CLTC: variants seen among roughly 807,000 people sequenced by gnomAD.
The protein encoded by CLTC is clathrin heavy chain.
A neutral mutation model predicts 195.8 loss-of-function variants in CLTC; 16 were observed. That is an observed-to-expected ratio of 0.08 (90% confidence interval 0.06 to 0.12). The LOEUF is 0.12. Among genes scored for constraint, CLTC ranks in the 10% least tolerant of loss-of-function variants. The pLI is 1.00. For synonymous variants in CLTC, 667 were observed against 689.4 expected (o/e 0.97, Z 0.51); for missense variants, 796 against 2,027.0 (o/e 0.39, Z 11.66).
At chr17:59,644,246 G>C in intron 1 of CLTC, 30 bp from the exon 2 acceptor site, 1 of 1,587,214 alleles carries the variant, frequency 6.3e-7, no homozygotes, top group Non-Finnish European at 8.6e-7. Flanking sequence ...GAATCCACTT[G>C]GTAACATGGT....
intron 1 of CLTC, among the ~76,000 whole-genome samples, chr17:59,629,624 G>A (rs2031652850): frequency 6.7e-6 from 1 of 150,368 alleles, no homozygotes; most frequent in African/African-American, 2.4e-5. Flanking sequence ...GGGTTCAAGC[G>A]GTTCTTCTGC....
At chr17:59,638,011 T>A (rs1268591504) in intron 1 of CLTC, among the ~76,000 whole-genome samples, 1 of 146,620 alleles carries the variant, frequency 6.8e-6, no homozygotes. Context: ...CATTTCATAG[T>A]GTCTGAGGCA....
chr17:59,680,596 T>C (rs910799901), intron 18 of CLTC, among the ~76,000 whole-genome samples: 2 of 152,132 alleles, frequency 1.3e-5, no homozygotes, highest in African/African-American at 4.8e-5. Flanking sequence ...ACCAGACGAA[T>C]TACCGATATT....
chr17:59,686,711 T>G (rs2033192697), intron 30 of CLTC, among the ~76,000 whole-genome samples: 1 of 152,352 alleles, frequency 6.6e-6, no homozygotes, highest in Non-Finnish European at 1.5e-5. Context: ...TTAAACATAA[T>G]GCCAACTTGT....
In CLTC at chr17:59,694,827, A is replaced by C. The variant is rs971231213; in HGVS notation, c.*975A>C. The C allele has an allele frequency of 1.3e-5, 3 of 226,100 alleles. No individual in the cohort carries two copies. The highest frequency in any genetic ancestry group is 2.2e-5 in the African/African-American group (1 of 44,950). The allele number at this position is 226,100 out of a possible 1,614,324, so 14.0% of individuals were successfully genotyped here. On this transcript the variant is annotated 3_prime_UTR_variant, in exon 32 of 32. Coordinates refer to ENST00000269122, the MANE Select transcript of CLTC (RefSeq NM_004859.4). ...AAACGAAAAGAACAGTAGTTTTTGT[A>C]GTTTTATATTGGATACTGAGGCATT... is the stretch of plus-strand genomic sequence containing the variant.
chr17:59,684,093 A>AT, intron 28 of CLTC, 108 bp downstream of exon 28: 8 of 659,220 alleles, frequency 1.2e-5, no homozygotes. Context: ...AGGTGCTTGC[A>AT]TACCTAGGAT....
At chr17:59,691,492 C>T (rs540855788) in intron 31 of CLTC, among the ~76,000 whole-genome samples, 55 of 152,034 alleles carry the variant, frequency 3.6e-4, no homozygotes, top group Non-Finnish European at 5.9e-4. Context: ...GGCGTGGTGG[C>T]ACATGCCTGT....
intron 5 of CLTC, among the ~76,000 whole-genome samples, chr17:59,654,424 T>C (rs547233388): frequency 1.6e-4 from 24 of 151,746 alleles, no homozygotes; most frequent in African/African-American, 4.6e-4. Context: ...GTGATCCACC[T>C]GCCTCAGCCT....
chr17:59,693,099 G>T (rs2033345583), intron 31 of CLTC, among the ~76,000 whole-genome samples: 2 of 152,108 alleles, frequency 1.3e-5, no homozygotes, highest in Non-Finnish European at 2.9e-5. Context: ...AAGCATGGTG[G>T]CTCACACCTA....
Position 59,681,391 on chromosome 17 carries a change from T to C in CLTC, c.3162T>C (p.Asp1054=), listed in dbSNP as rs746779682. 6.2e-7 allele frequency: 1 copy of C among 1,614,136 alleles called. No individual in the cohort carries two copies. The highest frequency in any genetic ancestry group is 1.7e-5 in the Admixed American group (1 of 60,016). ...INRLDNYDAP[D]IANIAISNEL... ...GCCTGGATAATTATGATGCCCCAGA[T>C]ATTGCCAATATCGCCATCAGCAATG... The change falls in exon 20 of 32, where the codon GAT becomes GAC. Residue 1054 remains aspartate, a synonymous_variant. Transcript: ENST00000269122. This position sits in a 1 kb window ranked among gnomAD's most constrained non-coding sequence, Gnocchi z 5.0.
In CLTC at chr17:59,679,383, C is replaced by G; in HGVS notation, c.2797-14C>G. ...ACTTTTTACCTTGAAATTAATCTAT[C>G]ATATCTTCTTTAGGTTTGCAATGAG... is the stretch of plus-strand genomic sequence containing the variant. On this transcript the variant is annotated splice_polypyrimidine_tract_variant and intron_variant, in intron 17 of 31. Coordinates refer to ENST00000269122, the MANE Select transcript of CLTC (RefSeq NM_004859.4). 6.3e-7 allele frequency: 1 copy of G among 1,588,810 alleles called. No individual in the cohort carries two copies. The highest frequency in any genetic ancestry group is 8.6e-7 in the Non-Finnish European group (1 of 1,165,122).
chr17:59,685,100 C>A lies in CLTC; in HGVS notation c.4479C>A (p.Ile1493=). The A allele has an allele frequency of 6.2e-7, 1 of 1,605,690 alleles. No homozygotes were observed. The highest frequency in any genetic ancestry group is 8.5e-7 in the Non-Finnish European group (1 of 1,174,686). ...ATGCTTATGACAACTTTGACAATATCTCGCTTGCTCAGCGTTTGGAAAAAC... is the reference window on the plus strand; with the variant it reads ...ATGCTTATGACAACTTTGACAATATATCGCTTGCTCAGCGTTTGGAAAAAC... ...SIDAYDNFDN[I]SLAQRLEKHE... The change falls in exon 29 of 32, where the codon ATC becomes ATA. Residue 1493 remains isoleucine, a synonymous_variant. Transcript: ENST00000269122. This position sits in a 1 kb window ranked among gnomAD's most constrained non-coding sequence, Gnocchi z 5.0.
rs2143592703 is a variant in CLTC, at chr17:59,681,855, T to C, written c.3442+16T>C. 2 of 1,587,008 alleles carry C rather than the reference T, an allele frequency of 1.3e-6. No homozygotes were observed. The highest frequency in any genetic ancestry group is 2.2e-5 in the East Asian group (1 of 44,644). On this transcript the variant is annotated intron_variant, in intron 21 of 31. Transcript: ENST00000269122. This position sits in a 1 kb window ranked among gnomAD's most constrained non-coding sequence, Gnocchi z 5.0. ...AATACTAGTGGTATGACTTCTTACCTTATGTATTGAAACCTCATAAAATGA... is the reference window on the plus strand; with the variant it reads ...AATACTAGTGGTATGACTTCTTACCCTATGTATTGAAACCTCATAAAATGA...
At chr17:59,628,927 G>T (rs769274427) in intron 1 of CLTC, among the ~76,000 whole-genome samples, 3 of 152,110 alleles carry the variant, frequency 2.0e-5, no homozygotes, top group Non-Finnish European at 4.4e-5. Context: ...TTCCCAAAGT[G>T]CTGGGATTAC....
At chr17:59,653,229 T>A (rs2032373949) in intron 5 of CLTC, among the ~76,000 whole-genome samples, 1 of 151,946 alleles carries the variant, frequency 6.6e-6, no homozygotes, top group African/African-American at 2.4e-5. Flanking sequence ...AGTCTCTCTC[T>A]GTCGCCCAGG....
intron 14 of CLTC, among the ~76,000 whole-genome samples, chr17:59,670,019 C>G (rs937505748): frequency 3.9e-5 from 6 of 152,066 alleles, no homozygotes; most frequent in East Asian, 3.8e-4. Context: ...TTAAAAGATA[C>G]ACTTTTCAAA....
chr17:59,637,458 A>G (rs1200294852), intron 1 of CLTC, among the ~76,000 whole-genome samples: 1 of 150,414 alleles, frequency 6.6e-6, no homozygotes, highest in Non-Finnish European at 1.5e-5. Context: ...GTTAGCCAGG[A>G]TAGTCTCAAT....
chr17:59,680,382 G>A (rs1395810052), intron 18 of CLTC, among the ~76,000 whole-genome samples: 1 of 152,136 alleles, frequency 6.6e-6, no homozygotes, highest in African/African-American at 2.4e-5. Flanking sequence ...GTTATAATGA[G>A]TCTTAAATTC....
chr17:59,660,627 C>T lies in CLTC; in HGVS notation c.1167+39C>T, dbSNP rs74803020. On this transcript the variant is annotated intron_variant, in intron 7 of 31. Coordinates refer to ENST00000269122, the MANE Select transcript of CLTC (RefSeq NM_004859.4). Reference sequence around the variant, plus strand: ...AAAATGAAGTTGTCATGACATTAATCCATTGTTAATATTCTGTTTCTTATA... The same window carrying T: ...AAAATGAAGTTGTCATGACATTAATTCATTGTTAATATTCTGTTTCTTATA... 11,112 of 1,578,026 alleles carry T rather than the reference C, an allele frequency of 7.0e-3. 630 individuals carry two copies. The African/African-American group carries it at 0.13, about 18-fold the overall frequency.
Sources: gnomAD v4.1 joint callset for allele counts (sites outside exome capture counted in the v4.1 genomes callset) on GRCh38, gnomAD v4.1.1 for gene constraint, Gnocchi (gnomAD v3.1) non-coding constraint, MANE v1.5 for transcripts, NCBI Gene and HGNC (gene_info 2026-07-23, HGNC 2026-07-21) for gene names.